The following CGNL1 variants were observed in gnomAD, a reference collection of about 807,000 sequenced individuals.
The protein encoded by CGNL1 is cingulin like 1, also known as cingulin-like protein 1.
In CGNL1, 132 loss-of-function variants were observed where a neutral mutation model predicts 141.2. The ratio of observed to expected loss-of-function variants is 0.93; its 90% CI spans 0.81 to 1.08. The LOEUF (loss-of-function observed/expected upper bound fraction) is 1.08, where lower values mean the gene tolerates loss of function less well. Ranked by LOEUF, CGNL1 falls within the 50% of genes least tolerant of loss-of-function variation. CGNL1 has a pLI of 0.00. For synonymous variants in CGNL1, 690 were observed against 622.1 expected, an observed-to-expected ratio of 1.11 and a Z score of -1.63; for missense variants, 1,870 against 1,588.6, an observed-to-expected ratio of 1.18 and a Z score of -3.01.
intron 1 of CGNL1, chr15:57,376,972 A>C (rs1482930851): frequency 6.6e-6 from 1 of 152,122 alleles, no homozygotes; most frequent in Non-Finnish European, 1.5e-5. Context: ...CCTGTCGTAC[A>C]CAAGTCCTCG....
At chr15:57,413,021 C>T (rs1323623856) in intron 1 of CGNL1, among the ~76,000 whole-genome samples, 2 of 151,864 alleles carry the variant, frequency 1.3e-5, no homozygotes, top group Admixed American at 6.6e-5. Flanking sequence ...CCACCATGCC[C>T]GACTAATTTT....
intron 2 of CGNL1, among the ~76,000 whole-genome samples, chr15:57,439,993 T>A (rs1425670534): frequency 6.6e-6 from 1 of 152,150 alleles, no homozygotes; most frequent in Non-Finnish European, 1.5e-5. Flanking sequence ...CTGGGTTAAT[T>A]TCTAGCCTGA....
At chr15:57,409,037 TCACA>T (rs59988268) in intron 1 of CGNL1, among the ~76,000 whole-genome samples, 18,771 of 141,746 alleles carry the variant, frequency 0.13, 1,224 homozygotes, top group Middle Eastern at 0.17. Flanking sequence ...TGAGACTCTG[TCACA>T]CACACACACA....
intron 8 of CGNL1, among the ~76,000 whole-genome samples, chr15:57,496,452 T>C (rs757797784): frequency 6.6e-5 from 10 of 152,128 alleles, no homozygotes; most frequent in Non-Finnish European, 1.3e-4. Flanking sequence ...TATGAGAATC[T>C]GTAGTAACTA....
intron 7 of CGNL1, among the ~76,000 whole-genome samples, chr15:57,454,802 C>T (rs1376504997): frequency 5.9e-5 from 9 of 152,068 alleles, no homozygotes; most frequent in African/African-American, 1.7e-4. Flanking sequence ...TACTGCTTCT[C>T]ATGGTGCTGT....
chr15:57,475,141 A>ACCACACCACCTGCCGCAGGTTGG (rs1315382658), intron 8 of CGNL1, among the ~76,000 whole-genome samples: 1 of 151,988 alleles, frequency 6.6e-6, no homozygotes, highest in Admixed American at 6.5e-5. Flanking sequence ...CCCCCTTCTG[A>ACCACACCACCTGCCGCAGGTTGG]CCACACCACC....
At chr15:57,491,701 T>C (rs2063865997) in intron 8 of CGNL1, among the ~76,000 whole-genome samples, 1 of 152,156 alleles carries the variant, frequency 6.6e-6, no homozygotes, top group Non-Finnish European at 1.5e-5. Context: ...TGAATCTCCG[T>C]TATAGAAGAG....
intron 8 of CGNL1, among the ~76,000 whole-genome samples, chr15:57,503,342 G>A (rs1261158546): frequency 6.6e-6 from 1 of 152,222 alleles, no homozygotes; most frequent in East Asian, 1.9e-4. Context: ...TATCTTAGGG[G>A]TCAGGCTGGG....
intron 1 of CGNL1, chr15:57,406,974 C>T (rs928018037): frequency 4.6e-5 from 7 of 152,214 alleles, no homozygotes; most frequent in African/African-American, 1.7e-4. Context: ...TATTCACAGG[C>T]CGCTTGGAAT....
chr15:57,538,927 A>G (rs1470642509), intron 14 of CGNL1, among the ~76,000 whole-genome samples: 1 of 152,212 alleles, frequency 6.6e-6, no homozygotes, highest in African/African-American at 2.4e-5. Context: ...CAGAAAACCT[A>G]GGTTGGAATC....
At chr15:57,382,557 T>C (rs189389046) in intron 1 of CGNL1, among the ~76,000 whole-genome samples, 32 of 152,354 alleles carry the variant, frequency 2.1e-4, no homozygotes, top group African/African-American at 7.7e-4. Flanking sequence ...TCCTCGACTG[T>C]TAATAATCTT....
chr15:57,424,670 G>A (rs922947074), intron 1 of CGNL1, among the ~76,000 whole-genome samples: 1 of 152,168 alleles, frequency 6.6e-6, no homozygotes, highest in Non-Finnish European at 1.5e-5. Flanking sequence ...AACCAAGATG[G>A]ACAGAACACA....
chr15:57,404,318 A>G (rs1326691786), intron 1 of CGNL1, among the ~76,000 whole-genome samples: 1 of 152,166 alleles, frequency 6.6e-6, no homozygotes, highest in Non-Finnish European at 1.5e-5. Context: ...AAAAAGCAGA[A>G]CAGCATCTTC....
intron 14 of CGNL1, among the ~76,000 whole-genome samples, chr15:57,543,419 G>A (rs188539731): frequency 1.2e-3 from 182 of 152,272 alleles, no homozygotes; most frequent in African/African-American, 4.0e-3. Context: ...GGATTAGGGC[G>A]TCAACATATC....
At chr15:57,502,012 G>A (rs1406778378) in intron 8 of CGNL1, among the ~76,000 whole-genome samples, 1 of 152,188 alleles carries the variant, frequency 6.6e-6, no homozygotes, top group Admixed American at 6.5e-5. Flanking sequence ...TTCTCTGGGA[G>A]AATGTTCAGG....
intron 3 of CGNL1, among the ~76,000 whole-genome samples, chr15:57,441,888 G>A (rs2063191504): frequency 6.6e-6 from 1 of 152,066 alleles, no homozygotes; most frequent in Non-Finnish European, 1.5e-5. Flanking sequence ...TCTTGGCTTA[G>A]GGGTTTTATT....
intron 3 of CGNL1, 52 bp from the exon 4 acceptor site, chr15:57,442,321 C>G: frequency 8.9e-7 from 1 of 1,121,582 alleles, no homozygotes; most frequent in Middle Eastern, 2.0e-4. Flanking sequence ...ATAAATTGTT[C>G]TGAGACCAGT....
chr15:57,421,767 C>CGTCGTGTGCTCCTGTGTAGAGTGTCAGGG (rs1567106832), intron 1 of CGNL1, among the ~76,000 whole-genome samples: 5 of 151,948 alleles, frequency 3.3e-5, no homozygotes, highest in Non-Finnish European at 7.4e-5. Context: ...AGCTGTCAGG[C>CGTCGTGTGCTCCTGTGTAGAGTGTCAGGG]GTCGTGTGCT....
intron 1 of CGNL1, among the ~76,000 whole-genome samples, chr15:57,417,846 G>A (rs1312441723): frequency 6.6e-6 from 1 of 152,208 alleles, no homozygotes; most frequent in African/African-American, 2.4e-5. Context: ...AAGGAGAGGT[G>A]ATGGGAAAGG....
Sources: gnomAD v4.1 joint callset for allele counts (sites outside exome capture counted in the v4.1 genomes callset) on GRCh38, gnomAD v4.1.1 for gene constraint, MANE v1.5 for transcripts, NCBI Gene and HGNC (gene_info 2026-07-23, HGNC 2026-07-21) for gene names.